GAS7: variants seen among roughly 807,000 people sequenced by gnomAD.
GAS7 encodes the protein growth arrest specific 7, also known as growth arrest-specific protein 7.
A neutral mutation model predicts 71.1 loss-of-function variants in GAS7; 28 were observed. That is an observed-to-expected ratio of 0.39 (90% CI 0.29 to 0.54). GAS7 has a LOEUF of 0.54. GAS7 is among the 20% of genes least tolerant of loss of function. The probability of loss-of-function intolerance (pLI) is 0.62; values close to 1 mark genes in which losing one functional copy is unlikely to be tolerated. For missense variants in GAS7, 436 were observed against 627.8 expected, an observed-to-expected ratio of 0.69 and a Z score of 3.27; for synonymous variants, 258 against 245.8, an observed-to-expected ratio of 1.05 and a Z score of -0.46.
chr17:9,992,826 T>G (rs2070897771), intron 2 of GAS7, among the ~76,000 whole-genome samples: 1 of 146,402 alleles, frequency 6.8e-6, no homozygotes, highest in Non-Finnish European at 1.5e-5. Flanking sequence ...CATTGTTCAA[T>G]TCCCACCTAT....
chr17:10,026,337 C>A lies in GAS7; in HGVS notation c.184-6440G>T, dbSNP rs1393800987. ...CAGGGCCCCACACCCCCACTCCCCC[C>A]ACACCCAGATCTATATATAACAGCT... On this transcript the variant is annotated intron_variant, in intron 1 of 13. Coordinates refer to ENST00000432992, the MANE Select transcript of GAS7 (RefSeq NM_201433.2). This position sits in a 1 kb window ranked among gnomAD's most constrained non-coding sequence, Gnocchi z 4.5. 5 of 971,942 alleles carry A rather than the reference C, an allele frequency of 5.1e-6. No individual in the cohort carries two copies. The highest frequency in any genetic ancestry group is 4.8e-5 in the South Asian group (1 of 21,026). 60.2% of individuals were successfully genotyped at this position (971,942 alleles called of 1,614,324 possible).
At chr17:9,978,772 C>T (rs1027251865) in intron 3 of GAS7, among the ~76,000 whole-genome samples, 1 of 152,152 alleles carries the variant, frequency 6.6e-6, no homozygotes, top group Non-Finnish European at 1.5e-5. Context: ...ATCAATGACA[C>T]AGGACTCTTC....
intron 7 of GAS7, 112 bp from the exon 8 acceptor site, chr17:9,940,312 C>G: frequency 1.3e-6 from 1 of 776,942 alleles, no homozygotes; most frequent in South Asian, 1.4e-5. Flanking sequence ...ACCATAAGCT[C>G]TGAGACCACA....
chr17:10,089,977 G>A (rs145837048), intron 1 of GAS7, among the ~76,000 whole-genome samples: 9 of 152,148 alleles, frequency 5.9e-5, no homozygotes, highest in African/African-American at 1.9e-4. Flanking sequence ...AGACCAGCCC[G>A]GCCAACATGG....
Position 9,926,628 on chromosome 17 carries a change from C to T in GAS7, c.1014+13G>A. The T allele has an allele frequency of 1.9e-6, 3 of 1,612,620 alleles. No individual in the cohort carries two copies. Among genetic ancestry groups the T allele is most frequent in the South Asian group, 2.2e-5 (2 of 91,082 alleles). On this transcript the variant is annotated intron_variant, in intron 10 of 13. Transcript: ENST00000432992. The surrounding 1 kb of genome is among the most constrained non-coding windows in gnomAD (Gnocchi z 5.0). ...CATGCACCTGCCCTGGCCCAGCGTC[C>T]TGGGCCTCTCACCTTCTCCACCGAG... is the stretch of plus-strand genomic sequence containing the variant.
intron 2 of GAS7, among the ~76,000 whole-genome samples, chr17:9,991,964 T>C (rs2070859861): frequency 6.6e-6 from 1 of 152,126 alleles, no homozygotes; most frequent in Non-Finnish European, 1.5e-5. Flanking sequence ...CATTTCCCAA[T>C]CCAGTTACTC....
chr17:10,059,583 G>C (rs1487028327), intron 1 of GAS7: 1 of 480,926 alleles, frequency 2.1e-6, no homozygotes, highest in East Asian at 1.5e-4. Context: ...GTCATCCAAG[G>C]AAGATTTCTC....
chr17:9,979,934 G>T (rs79766547), intron 3 of GAS7, among the ~76,000 whole-genome samples: 9,811 of 151,626 alleles, frequency 0.065, 343 homozygotes, highest in African/African-American at 0.094. Flanking sequence ...GCTGTCACAC[G>T]GCAGCTACAG....
intron 2 of GAS7, among the ~76,000 whole-genome samples, chr17:9,984,518 C>A (rs576363374): frequency 6.6e-6 from 1 of 152,290 alleles, no homozygotes; most frequent in South Asian, 2.1e-4. Flanking sequence ...AGAGAGGCTG[C>A]CAGCAGGCTT....
intron 1 of GAS7, among the ~76,000 whole-genome samples, chr17:10,087,340 C>T (rs748985594): frequency 6.6e-6 from 1 of 152,204 alleles, no homozygotes; most frequent in Non-Finnish European, 1.5e-5. Flanking sequence ...ATGATCAACA[C>T]CAACTCAGTA....
At chr17:10,005,871 A>G (rs1279908378) in intron 2 of GAS7, among the ~76,000 whole-genome samples, 1 of 152,140 alleles carries the variant, frequency 6.6e-6, no homozygotes. Context: ...GTAATCACAG[A>G]CCAGCACTTT....
chr17:9,912,627 T>G lies in GAS7; in HGVS notation c.*4601A>C, dbSNP rs913751236. ...TTGAGCACCCATCCGTCCCTTCCCC[T>G]CCCATCCCTGGATTCTTTCTGCACT... On this transcript the variant is annotated 3_prime_UTR_variant, in exon 14 of 14. Coordinates refer to ENST00000432992, the MANE Select transcript of GAS7 (RefSeq NM_201433.2). 3 of 232,752 alleles carry G rather than the reference T, an allele frequency of 1.3e-5. No homozygotes were observed. Among genetic ancestry groups the G allele is most frequent in the Non-Finnish European group, 1.7e-5 (2 of 117,780 alleles). 14.4% of individuals were successfully genotyped at this position (232,752 alleles called of 1,614,324 possible). A position where few individuals can be genotyped will look rare whatever the true frequency, so the allele number is the denominator to read the frequency against.
chr17:10,060,344 G>C (rs1309348102), intron 1 of GAS7, among the ~76,000 whole-genome samples: 1 of 152,178 alleles, frequency 6.6e-6, no homozygotes, highest in Non-Finnish European at 1.5e-5. Flanking sequence ...AGTGGGAGGA[G>C]GGAGCAGCAG....
At chr17:10,158,278 G>A (rs1045547522) in intron 1 of GAS7, among the ~76,000 whole-genome samples, 8 of 148,340 alleles carry the variant, frequency 5.4e-5, no homozygotes, top group Non-Finnish European at 1.2e-4. Flanking sequence ...CTCCCAAAGC[G>A]CTGGGATTAC....
chr17:9,990,044 C>A (rs191283576), intron 2 of GAS7, among the ~76,000 whole-genome samples: 2 of 151,898 alleles, frequency 1.3e-5, no homozygotes, highest in Non-Finnish European at 1.5e-5. Context: ...CAGAGGTGGA[C>A]GGATCATGAG....
intron 1 of GAS7, among the ~76,000 whole-genome samples, chr17:10,123,348 G>A (rs370797105): frequency 2.0e-5 from 3 of 152,334 alleles, no homozygotes; most frequent in East Asian, 1.9e-4. Flanking sequence ...GTTCCCAAGA[G>A]ATGCTGGTTC....
intron 1 of GAS7, among the ~76,000 whole-genome samples, chr17:10,152,474 A>C (rs1429444592): frequency 6.6e-6 from 1 of 152,204 alleles, no homozygotes; most frequent in Non-Finnish European, 1.5e-5. Flanking sequence ...CTTAACCCTT[A>C]GAGTTCCCAG....
At position 9,969,129 on chromosome 17, in the gene GAS7, T is replaced by C. The variant is rs77173351; in HGVS notation, c.471+548A>G. ...TCGGTGACCTCATGCATACCTTGAG[T>C]TGTTACTGACGCCTAACTCACATGT... On this transcript the variant is annotated intron_variant, in intron 4 of 13. Coordinates refer to ENST00000432992, the MANE Select transcript of GAS7 (RefSeq NM_201433.2). The surrounding 1 kb of genome is among the most constrained non-coding windows in gnomAD (Gnocchi z 5.5). 0.025 allele frequency among the ~76,000 whole-genome samples: 3,755 copies of C among 152,234 alleles called. 172 individuals are homozygous for C. The highest frequency in any genetic ancestry group is 0.1 in the Admixed American group (1,581 of 15,292).
chr17:10,169,158 C>A (rs67426738), intron 1 of GAS7, among the ~76,000 whole-genome samples: 59,918 of 151,220 alleles, frequency 0.4, 12,038 homozygotes, highest in East Asian at 0.54. Flanking sequence ...CTGTAATCCC[C>A]GCTACTCTGA....
Sources: allele counts gnomAD v4.1 joint callset (sites outside exome capture counted in the v4.1 genomes callset), GRCh38; gene constraint gnomAD v4.1.1; non-coding constraint Gnocchi (gnomAD v3.1); transcripts MANE v1.5; gene names NCBI Gene and HGNC (gene_info 2026-07-23, HGNC 2026-07-21).